SNRPN: variants seen among roughly 807,000 people sequenced by gnomAD.
SNRPN encodes small nuclear ribonucleoprotein-associated protein N.
A neutral mutation model predicts 25.2 loss-of-function variants in SNRPN; 7 were observed. That is an observed-to-expected ratio of 0.28 (90% CI 0.16 to 0.52). The LOEUF (loss-of-function observed/expected upper bound fraction) is 0.52. Among genes scored for constraint, SNRPN ranks in the 20% least tolerant of loss-of-function variants. The probability of loss-of-function intolerance (pLI) is 0.96; values close to 1 mark genes in which losing one functional copy is unlikely to be tolerated. For synonymous variants in SNRPN, 124 were observed against 110.6 expected (o/e 1.12, Z -0.76); for missense variants, 196 against 322.5 (o/e 0.61, Z 3.00).
At chr15:24,826,573 C>T (rs2050095875) in intron 1 of SNRPN, among the ~76,000 whole-genome samples, 1 of 152,090 alleles carries the variant, frequency 6.6e-6, no homozygotes, top group Non-Finnish European at 1.5e-5. Context: ...TTGACGATTA[C>T]TGTGTCTCTG....
At chr15:24,955,741 G>A (rs1380495329) in intron 1 of SNRPN, among the ~76,000 whole-genome samples, 1 of 151,584 alleles carries the variant, frequency 6.6e-6, no homozygotes, top group Admixed American at 6.6e-5. Context: ...CTGGGAGGTA[G>A]GGGGAAGGCG....
intron 2 of SNRPN, among the ~76,000 whole-genome samples, chr15:24,908,689 G>A (rs1228137477): frequency 8.3e-6 from 1 of 120,120 alleles, no homozygotes; most frequent in African/African-American, 4.4e-5. Flanking sequence ...CCAACTCAAA[G>A]TTACAAGTTT....
intron 1 of SNRPN, among the ~76,000 whole-genome samples, chr15:24,824,185 T>G (rs1395424546): frequency 2.0e-5 from 3 of 152,102 alleles, no homozygotes; most frequent in Non-Finnish European, 4.4e-5. Context: ...GGACAAAATT[T>G]ACTTACAATC....
chr15:24,881,584 G>GGAGAGAGAGAGAGA (rs1157961647), intron 1 of SNRPN, among the ~76,000 whole-genome samples: 3 of 57,676 alleles, frequency 5.2e-5, no homozygotes, highest in African/African-American at 1.2e-4. Context: ...AGGGAGGGAG[G>GGAGAGAGAGAGAGA]GAGAGAGAGA....
intron 3 of SNRPN, among the ~76,000 whole-genome samples, chr15:24,928,813 G>A (rs1041613938): frequency 6.6e-6 from 1 of 151,740 alleles, no homozygotes; most frequent in Non-Finnish European, 1.5e-5. Flanking sequence ...TTGCCATGTT[G>A]CCCAGGCTAG....
At chr15:24,875,577 A>G (rs997250391) in intron 1 of SNRPN, among the ~76,000 whole-genome samples, 5 of 152,152 alleles carry the variant, frequency 3.3e-5, no homozygotes, top group African/African-American at 1.2e-4. Flanking sequence ...TTCCTAGAAC[A>G]TTGATAGAAA....
intron 2 of SNRPN, among the ~76,000 whole-genome samples, chr15:24,845,441 TA>T (rs2052104392): frequency 6.6e-6 from 1 of 151,798 alleles, no homozygotes; most frequent in South Asian, 2.1e-4. Flanking sequence ...CTACTAAAAA[TA>T]CAAAAATTAG....
Position 24,976,959 on chromosome 15 carries a change from G to T in SNRPN, c.350G>T (p.Gly117Val). 3 of 1,605,934 alleles carry T rather than the reference G, an allele frequency of 1.9e-6. No homozygotes were observed. The highest frequency in any genetic ancestry group is 2.5e-6 in the Non-Finnish European group (3 of 1,177,204). The change falls in exon 7 of 10, where the codon GGT becomes GTT. Residue 117 changes from glycine (G) to valine (V), a missense_variant. By Grantham distance (109) the Gly-to-Val change is moderately radical. Transcript: ENST00000390687. ...GCAGCTGGTAGAGGAGTACCAGCTGGTGTGCCAATTCCCCAGGCCCCTGCT... is the reference window on the plus strand; with the variant it reads ...GCAGCTGGTAGAGGAGTACCAGCTGTTGTGCCAATTCCCCAGGCCCCTGCT... The part of the protein sequence containing the change: ...GRAAGRGVPA[G>V]VPIPQAPAGL...
At chr15:24,875,124 T>C (rs2055726503) in intron 1 of SNRPN, among the ~76,000 whole-genome samples, 1 of 152,216 alleles carries the variant, frequency 6.6e-6, no homozygotes, top group Non-Finnish European at 1.5e-5. Context: ...GAAAACACTG[T>C]ATGAGAAAAT....
chr15:24,976,861 A>C lies in SNRPN; in HGVS notation c.268-16A>C, dbSNP rs1163102294. On this transcript the variant is annotated splice_polypyrimidine_tract_variant and intron_variant, in intron 6 of 9. Transcript: ENST00000390687. ...GTAAATTGTTTGATTTTAGGCTATG[A>C]ATTTTCTTGTTTCAGACTGGCATTG... The C allele has an allele frequency of 6.2e-7, 1 of 1,604,178 alleles. No homozygotes were observed. Among genetic ancestry groups the C allele is most frequent in the Admixed American group, 1.7e-5 (1 of 57,654 alleles).
At chr15:24,941,420 A>T (rs1332646278) in intron 3 of SNRPN, among the ~76,000 whole-genome samples, 3 of 152,208 alleles carry the variant, frequency 2.0e-5, no homozygotes, top group African/African-American at 7.2e-5. Context: ...TCTACTACTC[A>T]TTATGTATTT....
intron 1 of SNRPN, among the ~76,000 whole-genome samples, chr15:24,861,827 A>G (rs1424982978): frequency 2.0e-5 from 3 of 152,236 alleles, no homozygotes; most frequent in Non-Finnish European, 2.9e-5. Flanking sequence ...TCACATCAAA[A>G]TATAAACAAT....
At chr15:24,948,114 A>C (rs956210096) in intron 3 of SNRPN, among the ~76,000 whole-genome samples, 1 of 151,592 alleles carries the variant, frequency 6.6e-6, no homozygotes, top group Non-Finnish European at 1.5e-5. Context: ...ATTTTATTTT[A>C]TTTTATTTAT....
At chr15:24,883,221 A>G (rs985191326) in intron 1 of SNRPN, among the ~76,000 whole-genome samples, 8 of 152,268 alleles carry the variant, frequency 5.3e-5, no homozygotes, top group African/African-American at 1.9e-4. Context: ...TTTGCAGCCA[A>G]GTAAGCAGGG....
At chr15:24,863,813 T>C (rs1017640049) in intron 1 of SNRPN, among the ~76,000 whole-genome samples, 6 of 150,610 alleles carry the variant, frequency 4.0e-5, no homozygotes, top group African/African-American at 1.5e-4. Flanking sequence ...ATCTGCGTTC[T>C]GGAAACTATT....
At chr15:24,834,070 C>T (rs962450151) in intron 2 of SNRPN, among the ~76,000 whole-genome samples, 6 of 152,058 alleles carry the variant, frequency 3.9e-5, no homozygotes, top group African/African-American at 7.3e-5. Flanking sequence ...GGATTACAGG[C>T]GCCTGCCACC....
chr15:24,913,517 C>G (rs915503911), intron 2 of SNRPN, among the ~76,000 whole-genome samples: 4 of 152,136 alleles, frequency 2.6e-5, no homozygotes, highest in Non-Finnish European at 5.9e-5. Context: ...GTGGCACATG[C>G]CTGTAATCCC....
At chr15:24,837,653 G>A (rs1452363638) in intron 2 of SNRPN, among the ~76,000 whole-genome samples, 1 of 151,886 alleles carries the variant, frequency 6.6e-6, no homozygotes, top group Non-Finnish European at 1.5e-5. Context: ...ACAGGCGTGA[G>A]CCACCATGCC....
chr15:24,862,014 C>G (rs1199985497), intron 1 of SNRPN, among the ~76,000 whole-genome samples: 2 of 150,940 alleles, frequency 1.3e-5, no homozygotes, highest in African/African-American at 5.0e-5. Flanking sequence ...GCAATTTGCA[C>G]CATTCCTGTT....
Sources: gnomAD v4.1 joint callset for allele counts (sites outside exome capture counted in the v4.1 genomes callset) on GRCh38, gnomAD v4.1.1 for gene constraint, MANE v1.5 for transcripts, NCBI Gene and HGNC (gene_info 2026-07-23, HGNC 2026-07-21) for gene names.